Variants in ATP6V1H observed in about 807,000 individuals in gnomAD.
The protein encoded by ATP6V1H is ATPase H+ transporting V1 subunit H.
Under a neutral mutation model 71.7 loss-of-function variants are expected in ATP6V1H, and 39 were observed. That is an observed-to-expected ratio of 0.54 (90% CI 0.42 to 0.71). The LOEUF (loss-of-function observed/expected upper bound fraction) is 0.71, where lower values mean the gene tolerates loss of function less well. Among genes scored for constraint, ATP6V1H ranks in the 30% least tolerant of loss-of-function variants. The pLI, the probability that ATP6V1H is intolerant of heterozygous loss-of-function variation, is 0.00. For missense variants in ATP6V1H, 509 were observed against 594.9 expected (o/e 0.86, Z 1.50); for synonymous variants, 192 against 199.3 (o/e 0.96, Z 0.31).
At chr8:53,816,721 G>A (rs868623583) in intron 5 of ATP6V1H, among the ~76,000 whole-genome samples, 4 of 152,112 alleles carry the variant, frequency 2.6e-5, no homozygotes, top group South Asian at 4.1e-4. Flanking sequence ...GCTTGAACCC[G>A]GGAGGCGGAG....
At chr8:53,752,029 G>A (rs74304172) in intron 12 of ATP6V1H, among the ~76,000 whole-genome samples, 25,443 of 152,110 alleles carry the variant, frequency 0.17, 3,453 homozygotes, top group East Asian at 0.37. Flanking sequence ...AACAGTTGCT[G>A]TCTTGAATAG....
chr8:53,820,849 G>C (rs1810626986), intron 4 of ATP6V1H, among the ~76,000 whole-genome samples: 1 of 151,738 alleles, frequency 6.6e-6, no homozygotes, highest in Non-Finnish European at 1.5e-5. Context: ...AGGCGTGGTA[G>C]CACACGCTTG....
chr8:53,788,229 A>G (rs192164786), intron 9 of ATP6V1H, among the ~76,000 whole-genome samples: 1 of 152,338 alleles, frequency 6.6e-6, no homozygotes, highest in East Asian at 1.9e-4. Flanking sequence ...TTAGCATATG[A>G]GAATCTAAAA....
intron 5 of ATP6V1H, among the ~76,000 whole-genome samples, chr8:53,815,455 A>G (rs1810416024): frequency 6.6e-6 from 1 of 152,224 alleles, no homozygotes; most frequent in Admixed American, 6.5e-5. Context: ...AGAGAATGAA[A>G]GGCTACACTA....
At chr8:53,720,822 T>C (rs986049363) in intron 13 of ATP6V1H, among the ~76,000 whole-genome samples, 1 of 152,192 alleles carries the variant, frequency 6.6e-6, no homozygotes, top group Non-Finnish European at 1.5e-5. Flanking sequence ...CAAAGCCAAG[T>C]AGAAAACCCA....
chr8:53,721,744 T>C (rs1806626482), intron 13 of ATP6V1H, among the ~76,000 whole-genome samples: 2 of 152,216 alleles, frequency 1.3e-5, no homozygotes, highest in African/African-American at 4.8e-5. Flanking sequence ...AGACATATTA[T>C]TGTACAGCTG....
At chr8:53,825,164 T>C (rs1810786787) in intron 4 of ATP6V1H, among the ~76,000 whole-genome samples, 1 of 152,152 alleles carries the variant, frequency 6.6e-6, no homozygotes, top group African/African-American at 2.4e-5. Context: ...TTCAGTAATA[T>C]AATGATGTCA....
chr8:53,739,537 G>A (rs1807342752), intron 13 of ATP6V1H: 1 of 152,188 alleles, frequency 6.6e-6, no homozygotes, highest in Non-Finnish European at 1.5e-5. Context: ...AATTCTACGT[G>A]AGATCCTCTA....
chr8:53,739,935 T>C (rs533750136), intron 13 of ATP6V1H, among the ~76,000 whole-genome samples: 1 of 152,258 alleles, frequency 6.6e-6, no homozygotes, highest in Non-Finnish European at 1.5e-5. Context: ...CCTCCACCGC[T>C]CCTCACCCAC....
intron 1 of ATP6V1H, chr8:53,842,707 T>C (rs1281812123): frequency 6.6e-6 from 1 of 152,266 alleles, no homozygotes; most frequent in Non-Finnish European, 1.5e-5. Context: ...AAGGTGTCTC[T>C]AGACAATTAC....
chr8:53,796,934 T>G (rs1809760844), intron 8 of ATP6V1H, among the ~76,000 whole-genome samples: 1 of 152,268 alleles, frequency 6.6e-6, no homozygotes, highest in South Asian at 2.1e-4. Flanking sequence ...TTTGTATGAT[T>G]TGTATATAGT....
chr8:53,755,821 G>A (rs1270488761), intron 12 of ATP6V1H, among the ~76,000 whole-genome samples: 4 of 99,292 alleles, frequency 4.0e-5, no homozygotes, highest in African/African-American at 8.1e-5. Flanking sequence ...GCAGTGGCGG[G>A]ATCTCGGCTC....
chr8:53,761,584 TA>T (rs1284399838), intron 11 of ATP6V1H, among the ~76,000 whole-genome samples: 3 of 152,016 alleles, frequency 2.0e-5, no homozygotes, highest in South Asian at 4.1e-4. Flanking sequence ...ACACTAGATT[TA>T]AAAAAAACCT....
At chr8:53,764,845 C>A (rs1808395676) in intron 11 of ATP6V1H, among the ~76,000 whole-genome samples, 1 of 152,128 alleles carries the variant, frequency 6.6e-6, no homozygotes, top group Non-Finnish European at 1.5e-5. Flanking sequence ...TGCCTATAAT[C>A]CTAGCATTTT....
At chr8:53,818,198 T>TA (rs1255764329) in intron 4 of ATP6V1H, among the ~76,000 whole-genome samples, 3 of 152,218 alleles carry the variant, frequency 2.0e-5, no homozygotes, top group Non-Finnish European at 2.9e-5. Flanking sequence ...AATACTTTTT[T>TA]AAAAATTTTT....
At chr8:53,811,588 T>G (rs1810275311) in intron 6 of ATP6V1H, among the ~76,000 whole-genome samples, 1 of 152,228 alleles carries the variant, frequency 6.6e-6, no homozygotes, top group South Asian at 2.1e-4. Context: ...CACTATATTC[T>G]GTAGCAAAGC....
intron 9 of ATP6V1H, among the ~76,000 whole-genome samples, chr8:53,774,160 C>T (rs1737987026): frequency 6.6e-6 from 1 of 152,198 alleles, no homozygotes. Flanking sequence ...GAGAAATTTT[C>T]AGACACAAGA....
chr8:53,779,411 T>C (rs1809013671), intron 9 of ATP6V1H, among the ~76,000 whole-genome samples: 1 of 151,850 alleles, frequency 6.6e-6, no homozygotes, highest in Non-Finnish European at 1.5e-5. Context: ...AATGCACTCC[T>C]ATGTAATCCA....
rs1810520073 is a variant in ATP6V1H, at chr8:53,818,318, A to G, written c.307-788T>C. 2.6e-5 allele frequency among the ~76,000 whole-genome samples: 4 copies of G among 152,144 alleles called. No homozygotes were observed. In the South Asian group the frequency reaches 8.3e-4, roughly 32 times the overall value. On this transcript the variant is annotated intron_variant, in intron 4 of 13. Transcript: ENST00000359530. ...TACTCGAGAACAGGTGGTATTTGTT[A>G]TGTAAGTTCTTTAGTGGTGATTTGT...
Sources: allele counts gnomAD v4.1 joint callset (sites outside exome capture counted in the v4.1 genomes callset), GRCh38; gene constraint gnomAD v4.1.1; transcripts MANE v1.5; gene names NCBI Gene and HGNC (gene_info 2026-07-23, HGNC 2026-07-21).